SGCD: variants seen among roughly 807,000 people sequenced by gnomAD.
SGCD encodes the protein delta-sarcoglycan.
A neutral mutation model predicts 36.6 loss-of-function variants in SGCD; 18 were observed. That is an observed-to-expected ratio of 0.49 (90% CI 0.34 to 0.73). The LOEUF is 0.73. Ranked by LOEUF, SGCD falls within the 30% of genes least tolerant of loss-of-function variation. SGCD has a pLI of 0.01. For missense variants in SGCD, 387 were observed against 346.7 expected, an observed-to-expected ratio of 1.12 and a Z score of -0.92; for synonymous variants, 133 against 130.6, an observed-to-expected ratio of 1.02 and a Z score of -0.12.
chr5:156,707,918 G>T (rs971283101), intron 7 of SGCD, among the ~76,000 whole-genome samples: 3 of 152,156 alleles, frequency 2.0e-5, no homozygotes, highest in Non-Finnish European at 4.4e-5. Flanking sequence ...GACTATGTCA[G>T]TGTTTCCCAA....
chr5:156,473,233 CCA>C (rs145001242), intron 3 of SGCD, among the ~76,000 whole-genome samples: 268 of 152,304 alleles, frequency 1.8e-3, no homozygotes, highest in African/African-American at 6.4e-3. Flanking sequence ...AGTTCCAAGG[CCA>C]CCAGTAGATG....
intron 3 of SGCD, among the ~76,000 whole-genome samples, chr5:156,419,996 C>T (rs1356924758): frequency 1.3e-5 from 2 of 152,064 alleles, no homozygotes; most frequent in Non-Finnish European, 2.9e-5. Flanking sequence ...TGTGACATGG[C>T]TCTGCCCCTG....
At chr5:156,551,893 T>C (rs1561773136) in intron 4 of SGCD, among the ~76,000 whole-genome samples, 1 of 152,160 alleles carries the variant, frequency 6.6e-6, no homozygotes, top group Non-Finnish European at 1.5e-5. Context: ...TCTTCTAAGG[T>C]CTTACAAAAA....
chr5:156,651,186 T>A (rs1763445071), intron 7 of SGCD, among the ~76,000 whole-genome samples: 1 of 152,060 alleles, frequency 6.6e-6, no homozygotes, highest in South Asian at 2.1e-4. Context: ...ATAGATAACA[T>A]ATCTTTGTCA....
Position 156,217,642 on chromosome 5 carries a change from G to A in SGCD, c.-44+93623G>A, listed in dbSNP as rs150929886. 2.0e-5 allele frequency among the ~76,000 whole-genome samples: 3 copies of A among 152,170 alleles called. No individual in the cohort carries two copies. In the East Asian group the frequency reaches 5.8e-4, roughly 29 times the overall value. On this transcript the variant is annotated intron_variant, in intron 3 of 9. Coordinates refer to the SGCD transcript ENST00000517913. ...AAAATGCTGAGAATGCTTTAACCCA[G>A]AGATACTTAAACTTTTGAACTCTAC... is the stretch of plus-strand genomic sequence containing the variant.
rs147929464 is a variant in SGCD, at chr5:156,253,439, A to G, written c.-43-76095A>G. Among the ~76,000 whole-genome samples, 9 of 152,284 alleles carry G rather than the reference A, an allele frequency of 5.9e-5. No homozygotes were observed. In the East Asian group the frequency reaches 1.2e-3, roughly 20 times the overall value. On this transcript the variant is annotated intron_variant, in intron 3 of 9. Coordinates refer to the SGCD transcript ENST00000517913. ...TCTGTATCAGAATAGGTCTCCAAAC[A>G]TGGGTATACTTGAGTTGGGATAAGA...
chr5:156,681,512 C>A, intron 7 of SGCD, among the ~76,000 whole-genome samples: 1 of 152,114 alleles, frequency 6.6e-6, no homozygotes, highest in Non-Finnish European at 1.5e-5. Context: ...ATGGGGTCAG[C>A]TGTTTTTACT....
At chr5:156,606,181 C>G (rs895007708) in intron 6 of SGCD, among the ~76,000 whole-genome samples, 4 of 152,178 alleles carry the variant, frequency 2.6e-5, no homozygotes, top group Non-Finnish European at 4.4e-5. Context: ...GGTTTTAGGT[C>G]TAACATTTAA....
In SGCD at chr5:156,712,742, C is replaced by T. The variant is rs140544914; in HGVS notation, c.576-44839C>T. Among the ~76,000 whole-genome samples the T allele has an allele frequency of 2.3e-3, 354 of 152,270 alleles. 1 individual carries two copies. Among genetic ancestry groups the T allele is most frequent in the African/African-American group, 8.2e-3 (342 of 41,558 alleles). On this transcript the variant is annotated intron_variant, in intron 7 of 8. Transcript: ENST00000337851. ...ACACCAAGCCCTTGTGCTCCACCCT[C>T]GGACTTGTGTGCCATTCCACAGGCC...
At chr5:156,677,093 G>A (rs991735790) in intron 7 of SGCD, among the ~76,000 whole-genome samples, 1 of 152,212 alleles carries the variant, frequency 6.6e-6, no homozygotes, top group Non-Finnish European at 1.5e-5. Flanking sequence ...CCATTTTCCA[G>A]ATGAGGAGTC....
At chr5:156,343,436 A>C (rs1253550162) in intron 2 of SGCD, among the ~76,000 whole-genome samples, 1 of 152,234 alleles carries the variant, frequency 6.6e-6, no homozygotes, top group Non-Finnish European at 1.5e-5. Flanking sequence ...CCTTGGTACC[A>C]CATTCATATG....
the SGCD span, among the ~76,000 whole-genome samples, chr5:155,750,443 T>C: frequency 2.6e-5 from 4 of 152,156 alleles, no homozygotes; most frequent in Non-Finnish European, 5.9e-5. Flanking sequence ...ATCTCATAGA[T>C]AGTTAAAAGG....
the SGCD span, among the ~76,000 whole-genome samples, chr5:155,843,545 A>C: frequency 1.3e-5 from 2 of 152,200 alleles, no homozygotes; most frequent in Admixed American, 1.3e-4. Flanking sequence ...TTTAAAGATT[A>C]TGTATCTCTT....
chr5:156,413,823 C>A (rs1772892957), intron 3 of SGCD, among the ~76,000 whole-genome samples: 1 of 151,952 alleles, frequency 6.6e-6, no homozygotes, highest in African/African-American at 2.4e-5. Flanking sequence ...TGGACTGAAG[C>A]TAGAAAATTG....
At chr5:156,092,687 G>A (rs1336589474) in intron 1 of SGCD, among the ~76,000 whole-genome samples, 1 of 152,188 alleles carries the variant, frequency 6.6e-6, no homozygotes, top group Non-Finnish European at 1.5e-5. Flanking sequence ...TGTAGCTGTA[G>A]TGCTTGTTCC....
intron 3 of SGCD, among the ~76,000 whole-genome samples, chr5:156,478,710 G>A (rs1755297875): frequency 6.6e-6 from 1 of 151,680 alleles, no homozygotes; most frequent in African/African-American, 2.4e-5. Flanking sequence ...CCTCCTGAGT[G>A]GCTGGGATTA....
rs192669676 is a variant in SGCD at position 155,883,991 on chromosome 5, A to G, written c.-282+13567A>G. 3.9e-5 allele frequency among the ~76,000 whole-genome samples: 6 copies of G among 152,160 alleles called. No homozygotes were observed. The East Asian group carries it at 1.2e-3, about 29-fold the overall frequency. On this transcript the variant is annotated intron_variant, in intron 1 of 9. Transcript: ENST00000517913. ...GACTCCAGATTCAGAGCTCTCTCCA[A>G]TCCATATCATTCAAGGAAACATGCC...
At chr5:156,603,572 A>G (rs79586195) in intron 6 of SGCD, among the ~76,000 whole-genome samples, 1,602 of 152,132 alleles carry the variant, frequency 0.011, 21 homozygotes, top group African/African-American at 0.037. Context: ...ATTCCTTCTT[A>G]TGACTGCTTT....
At chr5:156,396,114 G>A (rs536477911) in intron 3 of SGCD, among the ~76,000 whole-genome samples, 64 of 152,344 alleles carry the variant, frequency 4.2e-4, no homozygotes, top group African/African-American at 1.5e-3. Context: ...CCCCGGAGGA[G>A]TTGTGCTTCC....
Sources: gnomAD v4.1 joint callset for allele counts (sites outside exome capture counted in the v4.1 genomes callset) on GRCh38, gnomAD v4.1.1 for gene constraint, MANE v1.5 for transcripts, NCBI Gene and HGNC (gene_info 2026-07-23, HGNC 2026-07-21) for gene names.